The following FLVCR1 variants were observed in gnomAD, a reference collection of about 807,000 sequenced individuals.
FLVCR1 encodes FLVCR choline and heme transporter 1.
A neutral mutation model predicts 53.6 loss-of-function variants in FLVCR1; 34 were observed. The ratio of observed to expected loss-of-function variants is 0.63; its 90% CI spans 0.48 to 0.84. The LOEUF (loss-of-function observed/expected upper bound fraction) is 0.84. Ranked by LOEUF, FLVCR1 falls within the 40% of genes least tolerant of loss-of-function variation. The pLI is 0.00. For missense variants in FLVCR1, 677 were observed against 696.7 expected, an observed-to-expected ratio of 0.97 and a Z score of 0.32; for synonymous variants, 300 against 286.3, an observed-to-expected ratio of 1.05 and a Z score of -0.48.
rs41296694 is a variant in FLVCR1 at position 212,859,047 on chromosome 1, C to T, written c.595C>T (p.Leu199Phe). 1.2e-4 allele frequency: 191 copies of T among 1,612,494 alleles called. No homozygotes were observed. The Middle Eastern group carries it at 1.3e-3, about 11-fold the overall frequency. The part of the protein sequence containing the change: ...WIKCGSVQQH[L>F]FWVTMLGQCL... The stretch of plus-strand genomic sequence containing the variant: ...CAAGTGCGGCAGTGTGCAGCAGCAT[C>T]TCTTCTGGGTCACCATGTTGGGCCA... The change falls in exon 1 of 10, where the codon CTC becomes TTC. Residue 199 changes from leucine to phenylalanine, a missense_variant. Transcript: ENST00000366971.
At chr1:212,893,886 C>G (rs1665266351) in intron 8 of FLVCR1, among the ~76,000 whole-genome samples, 1 of 152,164 alleles carries the variant, frequency 6.6e-6, no homozygotes, top group Admixed American at 6.5e-5. Flanking sequence ...AGTGATTCTC[C>G]TGCCTCAGCC....
At chr1:212,872,071 T>C (rs572966297) in intron 2 of FLVCR1, among the ~76,000 whole-genome samples, 28 of 152,292 alleles carry the variant, frequency 1.8e-4, no homozygotes, top group African/African-American at 6.5e-4. Context: ...AAAAGTTCAA[T>C]AGTATATTGG....
chr1:212,895,519 C>G lies in FLVCR1; in HGVS notation c.*229C>G, dbSNP rs1232068161. 9.3e-6 allele frequency: 5 copies of G among 536,734 alleles called. No individual in the cohort carries two copies. The highest frequency in any genetic ancestry group is 1.7e-5 in the Non-Finnish European group (5 of 300,436). 33.2% of individuals were successfully genotyped at this position (536,734 alleles called of 1,614,324 possible). A position where few individuals can be genotyped will look rare whatever the true frequency, so the allele number is the denominator to read the frequency against. On this transcript the variant is annotated 3_prime_UTR_variant, in exon 10 of 10. Transcript: ENST00000366971. The stretch of plus-strand genomic sequence containing the variant: ...ACATCATGTTAACACTACTGTTTAT[C>G]TAATTAGTATCCGGTTTTTAGTCTC...
intron 3 of FLVCR1, among the ~76,000 whole-genome samples, chr1:212,878,667 G>A (rs1419736445): frequency 6.6e-6 from 1 of 151,984 alleles, no homozygotes; most frequent in Non-Finnish European, 1.5e-5. Context: ...TATAGGTATT[G>A]TATTCCTATG....
chr1:212,880,395 A>G, intron 3 of FLVCR1, among the ~76,000 whole-genome samples: 1 of 152,214 alleles, frequency 6.6e-6, no homozygotes, highest in East Asian at 1.9e-4. Context: ...AAATTTATAA[A>G]TCTATGGTAA....
rs567270153 is a variant in FLVCR1, at chr1:212,860,350, G to GTTTTTTTTTTTT, written c.738+1167_738+1178dup. 1.2e-3 allele frequency among the ~76,000 whole-genome samples: 101 copies of GTTTTTTTTTTTT among 85,810 alleles called. 11 individuals carry two copies. The highest frequency in any genetic ancestry group is 4.5e-3 in the East Asian group (11 of 2,432). 56.3% of individuals were successfully genotyped at this position (85,810 alleles called of 152,430 possible). A position where few individuals can be genotyped will look rare whatever the true frequency, so the allele number is the denominator to read the frequency against. On this transcript the variant is annotated intron_variant, in intron 1 of 9. Transcript: ENST00000366971. ...TATTATAAAGTTTTTTGTGTGTGTG[G>GTTTTTTTTTTTT]TTTTTTTTTTTTTTTTTTGTAGAAA...
rs886045930 is a variant in FLVCR1 at position 212,895,634 on chromosome 1, T to C, written c.*344T>C. ...TAGAAAATGGAAGCTTAGAATACTT[T>C]TTAAAGTGATAATATGGGGTGTTCA... is the stretch of plus-strand genomic sequence containing the variant. On this transcript the variant is annotated 3_prime_UTR_variant, in exon 10 of 10. Coordinates refer to ENST00000366971, the MANE Select transcript of FLVCR1 (RefSeq NM_014053.4). 8.9e-6 allele frequency: 3 copies of C among 336,438 alleles called. No individual in the cohort carries two copies. The highest frequency in any genetic ancestry group is 1.7e-5 in the Non-Finnish European group (3 of 176,752). The allele number at this position is 336,438 out of a possible 1,614,324, so 20.8% of individuals were successfully genotyped here. A position where few individuals can be genotyped will look rare whatever the true frequency, so the allele number is the denominator to read the frequency against.
At chr1:212,859,256 G>A in intron 1 of FLVCR1, 66 bp downstream of exon 1, 2 of 1,609,298 alleles carry the variant, frequency 1.2e-6, no homozygotes, top group Non-Finnish European at 8.5e-7. Context: ...TAGGCCGTGA[G>A]AACTATGGCC....
intron 8 of FLVCR1, among the ~76,000 whole-genome samples, chr1:212,894,311 G>C (rs537636519): frequency 6.6e-6 from 1 of 151,966 alleles, no homozygotes; most frequent in Non-Finnish European, 1.5e-5. Context: ...GTGCCGCCAC[G>C]CCTGGCTAAT....
chr1:212,859,219 A>G (rs776398894), intron 1 of FLVCR1, 29 bp downstream of exon 1: 12 of 1,613,980 alleles, frequency 7.4e-6, no homozygotes, highest in Middle Eastern at 1.7e-4. Flanking sequence ...GGTGAAAGTC[A>G]GATCCTTAAA....
At chr1:212,884,262 G>A (rs1342205289) in intron 4 of FLVCR1, among the ~76,000 whole-genome samples, 1 of 151,844 alleles carries the variant, frequency 6.6e-6, no homozygotes, top group East Asian at 1.9e-4. Flanking sequence ...TCGTGCCATT[G>A]TATTCCATCC....
chr1:212,863,972 CT>C, intron 2 of FLVCR1, 103 bp downstream of exon 2: 1 of 936,514 alleles, frequency 1.1e-6, no homozygotes, highest in Non-Finnish European at 1.7e-6. Context: ...GTGTCATGTG[CT>C]TTGTTTCATT....
In FLVCR1 at chr1:212,877,686, G is replaced by GTTTTTTTTTTT. The variant is rs56783462; in HGVS notation, c.1024+4875_1024+4885dup. On this transcript the variant is annotated intron_variant, in intron 3 of 9. Transcript: ENST00000366971. ...AAGTTGTCTGTTCACTCTGATGATAGTTTTTTTTTTTTTTTTTGCTGTGCA... is the reference window on the plus strand; with the variant it reads ...AAGTTGTCTGTTCACTCTGATGATAGTTTTTTTTTTTTTTTTTTTTTTTTTTTTGCTGTGCA... Among the ~76,000 whole-genome samples the GTTTTTTTTTTT allele has an allele frequency of 2.4e-5, 3 of 127,184 alleles. 1 individual carries two copies. Among genetic ancestry groups the GTTTTTTTTTTT allele is most frequent in the Non-Finnish European group, 1.6e-5 (1 of 61,280 alleles). 83.4% of individuals were successfully genotyped at this position (127,184 alleles called of 152,430 possible).
chr1:212,886,677 G>A (rs533648436), intron 5 of FLVCR1, among the ~76,000 whole-genome samples: 3 of 152,178 alleles, frequency 2.0e-5, no homozygotes, highest in Non-Finnish European at 2.9e-5. Context: ...GTGGGCACCT[G>A]TAATCCCAGC....
chr1:212,878,436 G>A (rs991519818), intron 3 of FLVCR1, among the ~76,000 whole-genome samples: 4 of 150,454 alleles, frequency 2.7e-5, no homozygotes, highest in African/African-American at 7.4e-5. Context: ...TGAGAGGTCC[G>A]CCTCTCAGTG....
At position 212,872,737 on chromosome 1, in the gene FLVCR1, C is replaced by A; in HGVS notation, c.943C>A (p.Pro315Thr). 6.2e-7 allele frequency: 1 copy of A among 1,612,792 alleles called. No homozygotes were observed. Among genetic ancestry groups the A allele is most frequent in the East Asian group, 2.2e-5 (1 of 44,858 alleles). Residue 315 changes from proline (P) to threonine (T), a missense_variant, in exon 3 of 10, where the codon CCC becomes ACC. Coordinates refer to ENST00000366971, the MANE Select transcript of FLVCR1 (RefSeq NM_014053.4). Reference sequence around the variant, plus strand: ...GGCTCAAGCAGCTCTTCAAGACAGTCCCCCTGAAGAGTACTCCTATAAGAA... The same window carrying A: ...GGCTCAAGCAGCTCTTCAAGACAGTACCCCTGAAGAGTACTCCTATAAGAA... ...SQAQAALQDS[P>T]PEEYSYKKSI... is the part of the protein sequence containing the mutation.
rs73077863 is a variant in FLVCR1 at position 212,869,509 on chromosome 1, A to G, written c.884-3169A>G. 5.1e-3 allele frequency among the ~76,000 whole-genome samples: 774 copies of G among 152,352 alleles called. 5 individuals carry two copies. Among genetic ancestry groups the G allele is most frequent in the African/African-American group, 0.018 (735 of 41,582 alleles). ...AGATAACTCTTGTATTCAAAAAATAAATGTAATGGATTTAAAGACTGGTAA... is the reference window on the plus strand; with the variant it reads ...AGATAACTCTTGTATTCAAAAAATAGATGTAATGGATTTAAAGACTGGTAA... On this transcript the variant is annotated intron_variant, in intron 2 of 9. Coordinates refer to ENST00000366971, the MANE Select transcript of FLVCR1 (RefSeq NM_014053.4).
In FLVCR1 at chr1:212,874,557, TTCTC is replaced by T. The variant is rs1431032840; in HGVS notation, c.1024+1743_1024+1746del. Among the ~76,000 whole-genome samples, 5 of 146,254 alleles carry T rather than the reference TTCTC, an allele frequency of 3.4e-5. No homozygotes were observed. In the Middle Eastern group the frequency reaches 0.014, roughly 412 times the overall value. ...TTTTTTTTTTTTTTTGAGATGGAGT[TTCTC>T]TCTGTCACCCAGGTTGGAGGACAGT... On this transcript the variant is annotated intron_variant, in intron 3 of 9. Transcript: ENST00000366971.
chr1:212,891,824 CCAAA>C (rs1160648642), intron 8 of FLVCR1, among the ~76,000 whole-genome samples: 7 of 152,174 alleles, frequency 4.6e-5, no homozygotes, highest in South Asian at 2.1e-4. Flanking sequence ...TCCTTTTGCA[CCAAA>C]CAATTAGCCA....
Sources: gnomAD v4.1 joint callset for allele counts (sites outside exome capture counted in the v4.1 genomes callset) on GRCh38, gnomAD v4.1.1 for gene constraint, MANE v1.5 for transcripts, NCBI Gene and HGNC (gene_info 2026-07-23, HGNC 2026-07-21) for gene names.